NDUFAF7: variants seen among roughly 807,000 people sequenced by gnomAD.
NDUFAF7 encodes the protein NADH:ubiquinone oxidoreductase complex assembly factor 7.
In NDUFAF7, 48 loss-of-function variants were observed where a neutral mutation model predicts 47.2. The ratio of observed to expected loss-of-function variants is 1.02; its 90% CI spans 0.81 to 1.29. The LOEUF (loss-of-function observed/expected upper bound fraction) is 1.29, where lower values mean the gene tolerates loss of function less well. Among genes scored for constraint, NDUFAF7 ranks in the 50% most tolerant of loss-of-function variants. The probability of loss-of-function intolerance (pLI) is 0.00; values close to 1 mark genes in which losing one functional copy is unlikely to be tolerated. For synonymous variants in NDUFAF7, 217 were observed against 190.0 expected, an observed-to-expected ratio of 1.14 and a Z score of -1.17; for missense variants, 635 against 537.6, an observed-to-expected ratio of 1.18 and a Z score of -1.79.
chr2:37,256,828 C>T (rs754511367), downstream of NDUFAF7: 1 of 1,613,804 alleles, frequency 6.2e-7, no homozygotes, highest in Non-Finnish European at 8.5e-7. Context: ...AACCTTTGCT[C>T]CGGAGAACTT....
chr2:37,260,395 G>A, the NDUFAF7 span: 2 of 1,605,250 alleles, frequency 1.2e-6, no homozygotes, highest in South Asian at 2.2e-5. Flanking sequence ...CTGAAGAGAG[G>A]TTGCAAGATA....
At chr2:37,266,155 T>C in the NDUFAF7 span, among the ~76,000 whole-genome samples, 712 of 152,322 alleles carry the variant, frequency 4.7e-3, 19 homozygotes, top group East Asian at 0.062. Context: ...CACAAGCTTT[T>C]TGATTATCAT....
Position 37,231,669 on chromosome 2 carries a change from A to T in NDUFAF7, c.-37A>T, listed in dbSNP as rs772776446. On this transcript the variant is annotated 5_prime_UTR_variant, in exon 1 of 10. Coordinates refer to ENST00000002125, the MANE Select transcript of NDUFAF7 (RefSeq NM_144736.5). ...TTCTCCCGGAAATGGTCTAAGCCCCAGCTCCTGGCGGAGCGAGCTAGCCTG... is the reference window on the plus strand; with the variant it reads ...TTCTCCCGGAAATGGTCTAAGCCCCTGCTCCTGGCGGAGCGAGCTAGCCTG... 6.6e-7 allele frequency: 1 copy of T among 1,520,838 alleles called. No individual in the cohort carries two copies. The highest frequency in any genetic ancestry group is 9.0e-7 in the Non-Finnish European group (1 of 1,105,912). The allele number at this position is 1,520,838 out of a possible 1,614,324, so 94.2% of individuals were successfully genotyped here.
At chr2:37,256,449 G>C (rs574404686), downstream of NDUFAF7, among the ~76,000 whole-genome samples, 1 of 152,234 alleles carries the variant, frequency 6.6e-6, no homozygotes, top group East Asian at 1.9e-4. Flanking sequence ...GCCTATGTAA[G>C]TGCTATGCCT....
intron 5 of NDUFAF7, chr2:37,242,056 A>G: frequency 6.0e-6 from 3 of 504,038 alleles, no homozygotes; most frequent in East Asian, 7.2e-5. Context: ...GTATTTCCCT[A>G]TAGCTAGGGT....
chr2:37,247,233 T>C (rs1019098351), intron 8 of NDUFAF7: 1 of 581,784 alleles, frequency 1.7e-6, no homozygotes. Context: ...TTTTTTTTTA[T>C]GGCTGTGTAG....
chr2:37,264,828 T>A, the NDUFAF7 span, among the ~76,000 whole-genome samples: 1 of 152,170 alleles, frequency 6.6e-6, no homozygotes, highest in South Asian at 2.1e-4. Flanking sequence ...TCATAAAGAA[T>A]AATCACAGGT....
chr2:37,239,118 C>CTT (rs368415833), intron 4 of NDUFAF7, among the ~76,000 whole-genome samples: 50 of 133,062 alleles, frequency 3.8e-4, no homozygotes, highest in Middle Eastern at 3.8e-3. Flanking sequence ...TTTTCTTTCT[C>CTT]TTTTTTTTTT....
chr2:37,257,034 TCTA>T (rs1488483740), downstream of NDUFAF7: 53 of 1,225,326 alleles, frequency 4.3e-5, no homozygotes, highest in Non-Finnish European at 5.7e-5. Context: ...ACTTGCCAGC[TCTA>T]CTGATTATGA....
At chr2:37,243,614 GT>G (rs1341940790) in intron 6 of NDUFAF7, among the ~76,000 whole-genome samples, 8 of 152,128 alleles carry the variant, frequency 5.3e-5, no homozygotes, top group Non-Finnish European at 1.2e-4. Flanking sequence ...GTCTATTTCC[GT>G]TTTTGGGGTA....
downstream of NDUFAF7, chr2:37,254,350 G>T: frequency 1.5e-6 from 2 of 1,325,914 alleles, no homozygotes; most frequent in Non-Finnish European, 2.2e-6. Flanking sequence ...CCAAACTTGT[G>T]ACTGCCTAGA....
At chr2:37,256,982 T>C (rs1240098271), downstream of NDUFAF7, 8 of 1,567,342 alleles carry the variant, frequency 5.1e-6, no homozygotes, top group Non-Finnish European at 7.0e-6. Flanking sequence ...TATATGTAAC[T>C]ACCTGTCCCT....
At chr2:37,267,408 GTTTTTTA>G in the NDUFAF7 span, 4 of 1,478,280 alleles carry the variant, frequency 2.7e-6, no homozygotes, top group East Asian at 2.3e-5. Flanking sequence ...TAATAAACCA[GTTTTTTA>G]TTTTTTATTT....
chr2:37,249,643 G>GACACACACACACACACAACAC (rs1667316461), downstream of NDUFAF7, among the ~76,000 whole-genome samples: 1 of 132,524 alleles, frequency 7.5e-6, no homozygotes, highest in Non-Finnish European at 1.6e-5. Flanking sequence ...CTGTGATAGA[G>GACACACACACACACACAACAC]ACACACACAC....
At chr2:37,236,625 CA>C (rs1462090359) in intron 3 of NDUFAF7, among the ~76,000 whole-genome samples, 1 of 151,492 alleles carries the variant, frequency 6.6e-6, no homozygotes, top group African/African-American at 2.4e-5. Flanking sequence ...AAAAAAAATA[CA>C]AAAAATTAGC....
the NDUFAF7 span, among the ~76,000 whole-genome samples, chr2:37,262,797 G>A: frequency 6.6e-6 from 1 of 151,968 alleles, no homozygotes; most frequent in African/African-American, 2.4e-5. Flanking sequence ...TTCCTCTGGA[G>A]TATGTTTTAG....
intron 3 of NDUFAF7, 114 bp from the exon 4 acceptor site, chr2:37,237,642 CT>C (rs1294263209): frequency 1.2e-5 from 9 of 734,906 alleles, no homozygotes; most frequent in Non-Finnish European, 9.5e-6. Flanking sequence ...ATACATATGG[CT>C]GTACACATTT....
At chr2:37,235,976 G>A in intron 2 of NDUFAF7, 120 bp from the exon 3 acceptor site, 1 of 885,578 alleles carries the variant, frequency 1.1e-6, no homozygotes, top group Non-Finnish European at 1.8e-6. Flanking sequence ...TTATTTAGAG[G>A]AGAGAACTTT....
At chr2:37,237,068 T>C (rs1665871324) in intron 3 of NDUFAF7, among the ~76,000 whole-genome samples, 1 of 152,074 alleles carries the variant, frequency 6.6e-6, no homozygotes, top group Non-Finnish European at 1.5e-5. Flanking sequence ...CTTCCCGGGT[T>C]CAAGCGATTC....
Sources: allele counts gnomAD v4.1 joint callset (sites outside exome capture counted in the v4.1 genomes callset), GRCh38; gene constraint gnomAD v4.1.1; transcripts MANE v1.5; gene names NCBI Gene and HGNC (gene_info 2026-07-23, HGNC 2026-07-21).